The following AFAP1 variants were observed in gnomAD, a reference collection of about 807,000 sequenced individuals.
AFAP1 encodes the protein actin filament-associated protein 1.
Under a neutral mutation model 93.9 loss-of-function variants are expected in AFAP1, and 75 were observed. The ratio of observed to expected loss-of-function variants is 0.80; its 90% CI spans 0.66 to 0.97. The LOEUF is 0.97. Among genes scored for constraint, AFAP1 ranks in the 50% least tolerant of loss-of-function variants. The pLI, the probability that AFAP1 is intolerant of heterozygous loss-of-function variation, is 0.00. For missense variants in AFAP1, 1,201 were observed against 1,050.8 expected (o/e 1.14, Z -1.98); for synonymous variants, 517 against 430.7 (o/e 1.20, Z -2.48).
At chr4:7,914,986 T>C (rs1350662371) in intron 1 of AFAP1, among the ~76,000 whole-genome samples, 1 of 152,152 alleles carries the variant, frequency 6.6e-6, no homozygotes, top group Non-Finnish European at 1.5e-5. Context: ...TGACCTCAAA[T>C]GATCCGCCCA....
chr4:7,929,412 T>TA (rs1720940865), intron 1 of AFAP1, among the ~76,000 whole-genome samples: 2 of 152,158 alleles, frequency 1.3e-5, no homozygotes, highest in Non-Finnish European at 1.5e-5. Flanking sequence ...TGCACTGTCC[T>TA]AAAAAACAAA....
At chr4:7,915,213 T>C (rs1436425820) in intron 1 of AFAP1, among the ~76,000 whole-genome samples, 1 of 131,606 alleles carries the variant, frequency 7.6e-6, no homozygotes, top group Non-Finnish European at 1.6e-5. Flanking sequence ...CCCCCTACGG[T>C]GCGTAAGAGT....
chr4:7,861,694 T>C (rs574942356), intron 3 of AFAP1, among the ~76,000 whole-genome samples: 282 of 152,264 alleles, frequency 1.9e-3, no homozygotes, highest in Admixed American at 5.9e-3. Context: ...GGAAACAGGA[T>C]AGAGTGGAAT....
intron 1 of AFAP1, among the ~76,000 whole-genome samples, chr4:7,880,176 T>C (rs918174700): frequency 3.9e-5 from 6 of 152,164 alleles, no homozygotes; most frequent in South Asian, 2.1e-4. Context: ...AAATGACTTA[T>C]GGTTTGTGGG....
intron 17 of AFAP1, among the ~76,000 whole-genome samples, chr4:7,765,101 C>CTCAA (rs150464610): frequency 0.14 from 20,921 of 151,986 alleles, 1,463 homozygotes; most frequent in Admixed American, 0.16. Flanking sequence ...AAGACCCTGT[C>CTCAA]TCAATCAATC....
chr4:7,829,549 G>A (rs1211233721), intron 6 of AFAP1, among the ~76,000 whole-genome samples: 1 of 152,142 alleles, frequency 6.6e-6, no homozygotes, highest in Non-Finnish European at 1.5e-5. Context: ...GACAAAAACA[G>A]CAAAGGATAT....
intron 6 of AFAP1, among the ~76,000 whole-genome samples, chr4:7,838,150 G>A (rs1712537432): frequency 6.6e-6 from 1 of 152,118 alleles, no homozygotes; most frequent in Non-Finnish European, 1.5e-5. Flanking sequence ...GAAAATGGCT[G>A]AAAAAATTTT....
intron 6 of AFAP1, among the ~76,000 whole-genome samples, chr4:7,832,855 T>TA (rs1437903255): frequency 6.6e-6 from 1 of 152,012 alleles, no homozygotes; most frequent in Non-Finnish European, 1.5e-5. Flanking sequence ...CCCAAATACT[T>TA]ACAGTCAACT....
chr4:7,939,479 C>A lies in AFAP1; in HGVS notation c.-3+177G>T. On this transcript the variant is annotated intron_variant, in intron 1 of 17. Transcript: ENST00000420658. This position sits in a 1 kb window ranked among gnomAD's most constrained non-coding sequence, Gnocchi z 5.6. ...CCCCACCCGCAGGACGACCGGGACCCCCGCGCGGGCCCACGCGGCGTCGCA... is the reference window on the plus strand; with the variant it reads ...CCCCACCCGCAGGACGACCGGGACCACCGCGCGGGCCCACGCGGCGTCGCA... The A allele has an allele frequency of 3.3e-6, 1 of 301,478 alleles. No individual in the cohort carries two copies. Among genetic ancestry groups the A allele is most frequent in the South Asian group, 2.5e-5 (1 of 39,306 alleles). The allele number at this position is 301,478 out of a possible 1,614,324, so 18.7% of individuals were successfully genotyped here. A position where few individuals can be genotyped will look rare whatever the true frequency, so the allele number is the denominator to read the frequency against.
intron 9 of AFAP1, chr4:7,809,378 T>G (rs1241318020): frequency 1.4e-5 from 5 of 353,248 alleles, no homozygotes; most frequent in Non-Finnish European, 2.4e-5. Context: ...AAGGGAAATT[T>G]TTTTTTTTCC....
rs77207711 is a variant in AFAP1, at chr4:7,781,445, G to A, written c.1713C>T (p.Tyr571=). Residue 571 remains tyrosine, a synonymous_variant, in exon 13 of 18, where the codon TAC becomes TAT. Transcript: ENST00000420658. ...TAGTGACAGACTGAGCGGAGGCAGG[G>A]TATTTGTAATGGTTAGAGGACAGCT... ...ADKLSSNHYK[Y]PASAQSVTNT... 0.13 allele frequency: 205,305 copies of A among 1,552,002 alleles called. 14,262 individuals carry two copies. Among genetic ancestry groups the A allele is most frequent in the African/African-American group, 0.22 (16,225 of 73,086 alleles).
intron 8 of AFAP1, among the ~76,000 whole-genome samples, chr4:7,810,492 G>A (rs1366988574): frequency 6.6e-6 from 1 of 152,208 alleles, no homozygotes; most frequent in African/African-American, 2.4e-5. Context: ...TGGCTGGCAA[G>A]GGGAGGCCCA....
rs867589256 is a variant in AFAP1, at chr4:7,775,055, C to A, written c.1898-152G>T. The A allele has an allele frequency of 8.7e-6, 8 of 917,506 alleles. No homozygotes were observed. The Middle Eastern group carries it at 1.4e-3, about 155-fold the overall frequency. 56.8% of individuals were successfully genotyped at this position (917,506 alleles called of 1,614,324 possible). A position where few individuals can be genotyped will look rare whatever the true frequency, so the allele number is the denominator to read the frequency against. Reference sequence around the variant, plus strand: ...ACTCAGGAAGCTGAGGTGGGAGAATCGCTTGAGCTTGGGAGCTTGAGGCTG... The same window carrying A: ...ACTCAGGAAGCTGAGGTGGGAGAATAGCTTGAGCTTGGGAGCTTGAGGCTG... On this transcript the variant is annotated intron_variant, in intron 14 of 17. Transcript: ENST00000420658.
chr4:7,855,571 G>C lies in AFAP1; in HGVS notation c.229C>G (p.Pro77Ala). 1 of 1,610,012 alleles carries C rather than the reference G, an allele frequency of 6.2e-7. No homozygotes were observed. The highest frequency in any genetic ancestry group is 1.3e-5 in the African/African-American group (1 of 74,962). ...GGCAATGGTGGAGGCCCACTGTCAG[G>C]AGGCTGAGGAAGAAAGGAAAAGTGA... ...LPEIPQPWLP[P>A]DSGPPPLPTS... Residue 77 changes from proline to alanine, a missense_variant, in exon 4 of 18, where the codon CCT becomes GCT. Pro to Ala is a conservative substitution (Grantham distance 27). Coordinates refer to ENST00000420658, the MANE Select transcript of AFAP1 (RefSeq NM_001134647.2).
intron 17 of AFAP1, among the ~76,000 whole-genome samples, chr4:7,767,906 C>G (rs2148947406): frequency 6.6e-6 from 1 of 152,228 alleles, no homozygotes; most frequent in East Asian, 1.9e-4. Flanking sequence ...CAAACCTCAT[C>G]TCTATAAAGA....
At chr4:7,868,054 C>T (rs1441985378) in intron 3 of AFAP1, among the ~76,000 whole-genome samples, 2 of 148,740 alleles carry the variant, frequency 1.3e-5, no homozygotes, top group East Asian at 4.0e-4. Flanking sequence ...CTGAATGGTA[C>T]ATAAAAGTTT....
intron 4 of AFAP1, among the ~76,000 whole-genome samples, chr4:7,849,668 G>A (rs1035280964): frequency 5.3e-5 from 8 of 152,272 alleles, no homozygotes; most frequent in Middle Eastern, 6.8e-3. Flanking sequence ...TGTGTCTAGC[G>A]TTTTCAGACT....
chr4:7,781,786 A>AC (rs981875822), intron 12 of AFAP1, among the ~76,000 whole-genome samples, 159 bp from the exon 13 acceptor site: 27 of 152,130 alleles, frequency 1.8e-4, no homozygotes, highest in African/African-American at 6.5e-4. Context: ...TAAGGCATGC[A>AC]CCCACCACCC....
chr4:7,838,255 T>C (rs1475201492), intron 6 of AFAP1, among the ~76,000 whole-genome samples: 1 of 151,960 alleles, frequency 6.6e-6, no homozygotes, highest in Non-Finnish European at 1.5e-5. Context: ...GCAGACACAA[T>C]AAAGTGACAC....
Sources: allele counts gnomAD v4.1 joint callset (sites outside exome capture counted in the v4.1 genomes callset), GRCh38; gene constraint gnomAD v4.1.1; non-coding constraint Gnocchi (gnomAD v3.1); transcripts MANE v1.5; gene names NCBI Gene and HGNC (gene_info 2026-07-23, HGNC 2026-07-21).